The following TMEM132E variants were observed in gnomAD, a reference collection of about 807,000 sequenced individuals.
The protein encoded by TMEM132E is transmembrane protein 132E.
In TMEM132E, 49 loss-of-function variants were observed where a neutral mutation model predicts 78.5. The ratio of observed to expected loss-of-function variants is 0.62; its 90% CI spans 0.50 to 0.79. TMEM132E has a LOEUF of 0.79. Among genes scored for constraint, TMEM132E ranks in the 30% least tolerant of loss-of-function variants. The probability of loss-of-function intolerance (pLI) is 0.00; values close to 1 mark genes in which losing one functional copy is unlikely to be tolerated. For synonymous variants in TMEM132E, 715 were observed against 670.6 expected (o/e 1.07, Z -1.02); for missense variants, 1,403 against 1,470.9 (o/e 0.95, Z 0.75).
chr17:34,586,281 T>TTC (rs1905674929), intron 1 of TMEM132E, among the ~76,000 whole-genome samples: 1 of 150,506 alleles, frequency 6.6e-6, no homozygotes, highest in African/African-American at 2.4e-5. Context: ...AATGAACCAG[T>TTC]TGTGTGTGTG....
intron 1 of TMEM132E, among the ~76,000 whole-genome samples, chr17:34,588,184 C>G (rs1597674939): frequency 6.6e-6 from 1 of 152,336 alleles, no homozygotes; most frequent in East Asian, 1.9e-4. Context: ...AACACTCACA[C>G]TCTTCCACTC....
At chr17:34,584,235 T>C (rs1905590109) in intron 1 of TMEM132E, among the ~76,000 whole-genome samples, 1 of 152,194 alleles carries the variant, frequency 6.6e-6, no homozygotes, top group Non-Finnish European at 1.5e-5. Flanking sequence ...CTATGAGGTA[T>C]TGCTTTTCTC....
intron 1 of TMEM132E, 75 bp downstream of exon 1, chr17:34,581,218 G>A: frequency 2.2e-6 from 3 of 1,342,094 alleles, no homozygotes; most frequent in South Asian, 3.0e-5. Flanking sequence ...AGACTGGGGA[G>A]AGGAGCACCC....
intron 1 of TMEM132E, among the ~76,000 whole-genome samples, chr17:34,613,167 CTCTCTCT>C (rs1906648332): frequency 8.3e-6 from 1 of 120,332 alleles, no homozygotes; most frequent in Non-Finnish European, 1.8e-5. Context: ...CTCTCTCTCT[CTCTCTCT>C]ACACACACAC....
intron 1 of TMEM132E, among the ~76,000 whole-genome samples, chr17:34,587,980 C>T (rs1191473086): frequency 6.6e-6 from 1 of 152,200 alleles, no homozygotes; most frequent in Admixed American, 6.5e-5. Flanking sequence ...ACAGAATCAG[C>T]ACAGATGCAG....
Position 34,634,922 on chromosome 17 carries a change from A to G in TMEM132E, c.1812A>G (p.Thr604=), listed in dbSNP as rs1907466209. 1.2e-6 allele frequency: 2 copies of G among 1,614,158 alleles called. No homozygotes were observed. The highest frequency in any genetic ancestry group is 4.5e-5 in the East Asian group (2 of 44,870). ...AGGTCTTCACCCAGTTCCACACGACATCATCCGAGGGCACTGACCAGGTGG... is the reference window on the plus strand; with the variant it reads ...AGGTCTTCACCCAGTTCCACACGACGTCATCCGAGGGCACTGACCAGGTGG... ...TLQVFTQFHT[T]SSEGTDQVVT... The change falls in exon 7 of 9, where the codon ACA becomes ACG. Residue 604 remains threonine, a synonymous_variant. Transcript: ENST00000631683.
intron 1 of TMEM132E, among the ~76,000 whole-genome samples, chr17:34,596,119 G>A (rs755441796): frequency 2.6e-5 from 4 of 152,018 alleles, no homozygotes; most frequent in Non-Finnish European, 4.4e-5. Flanking sequence ...TTCCAGCCCA[G>A]TGAAGGCCAT....
At chr17:34,582,096 C>T (rs1009747644) in intron 1 of TMEM132E, among the ~76,000 whole-genome samples, 1 of 151,774 alleles carries the variant, frequency 6.6e-6, no homozygotes, top group African/African-American at 2.4e-5. Flanking sequence ...TCTGCTCCCT[C>T]CTAACGTGAA....
intron 1 of TMEM132E, among the ~76,000 whole-genome samples, chr17:34,619,115 C>T (rs1294099582): frequency 6.6e-6 from 1 of 152,234 alleles, no homozygotes; most frequent in Non-Finnish European, 1.5e-5. Flanking sequence ...TATTTCTGGC[C>T]TCTTCATCAT....
At chr17:34,598,895 G>A (rs968708845) in intron 1 of TMEM132E, among the ~76,000 whole-genome samples, 1 of 152,110 alleles carries the variant, frequency 6.6e-6, no homozygotes, top group Non-Finnish European at 1.5e-5. Context: ...CGCCAGAAGA[G>A]ATGCTGAGCG....
At chr17:34,593,113 A>G (rs1306305946) in intron 1 of TMEM132E, among the ~76,000 whole-genome samples, 1 of 151,278 alleles carries the variant, frequency 6.6e-6, no homozygotes, top group African/African-American at 2.4e-5. Flanking sequence ...TGTCATTTCA[A>G]CATGTAATCA....
chr17:34,606,973 C>T (rs1456402560), intron 1 of TMEM132E, among the ~76,000 whole-genome samples: 1 of 152,216 alleles, frequency 6.6e-6, no homozygotes, highest in Non-Finnish European at 1.5e-5. Context: ...CCCAGAATCT[C>T]ACAGCTGGAA....
chr17:34,593,830 C>G (rs2142054283), intron 1 of TMEM132E, among the ~76,000 whole-genome samples: 1 of 152,370 alleles, frequency 6.6e-6, no homozygotes, highest in East Asian at 1.9e-4. Flanking sequence ...CTCACAGTAG[C>G]TCATACCACC....
Position 34,638,747 on chromosome 17 carries a change from G to A in TMEM132E, c.*515G>A, listed in dbSNP as rs1407828748. 6.5e-6 allele frequency: 1 copy of A among 153,020 alleles called. No homozygotes were observed. The allele number at this position is 153,020 out of a possible 1,614,324, so 9.5% of individuals were successfully genotyped here. The stretch of plus-strand genomic sequence containing the variant: ...GGTGGCAGCTGCCTGCCCTGCCAAG[G>A]ATCTTGCTGTGGACGAAATATCTGG... On this transcript the variant is annotated 3_prime_UTR_variant, in exon 9 of 9. Transcript: ENST00000631683.
In TMEM132E at chr17:34,634,983, A is replaced by T. The variant is rs914467657; in HGVS notation, c.1873A>T (p.Thr625Ser). The T allele has an allele frequency of 8.1e-6, 13 of 1,613,908 alleles. No individual in the cohort carries two copies. The highest frequency in any genetic ancestry group is 9.3e-6 in the Non-Finnish European group (11 of 1,180,034). Reference sequence around the variant, plus strand: ...AGGCCCGGACTGGCTGGTGGAGGTCACCGACCTAGTCAGTGACTTCATGCG... The same window carrying T: ...AGGCCCGGACTGGCTGGTGGAGGTCTCCGACCTAGTCAGTGACTTCATGCG... ...MLGPDWLVEV[T>S]DLVSDFMRVG... The change falls in exon 7 of 9, where the codon ACC becomes TCC. Residue 625 changes from threonine (T) to serine (S), a missense_variant. Around this residue, in one of 3 missense-constraint regions of TMEM132E, gnomAD observed 888 missense variants for 952.8 expected, o/e 0.93. Transcript: ENST00000631683.
chr17:34,581,603 G>A (rs755545466), intron 1 of TMEM132E, among the ~76,000 whole-genome samples: 14 of 150,966 alleles, frequency 9.3e-5, no homozygotes, highest in Non-Finnish European at 1.3e-4. Flanking sequence ...CCGTCGCCTC[G>A]CTTCCTGCGG....
chr17:34,627,037 C>T lies in TMEM132E; in HGVS notation c.978C>T (p.Ser326=), dbSNP rs763462557. 1.3e-6 allele frequency: 2 copies of T among 1,595,128 alleles called. No homozygotes were observed. The highest frequency in any genetic ancestry group is 1.7e-6 in the Non-Finnish European group (2 of 1,168,800). The part of the protein sequence containing the change: ...APNSSSPSSP[S]VEHFTLRVKA... ...ACTCCTCCTCGCCCTCCAGCCCCAGCGTGGAGCACTTCACACTCAGGTAGT... is the reference window on the plus strand; with the variant it reads ...ACTCCTCCTCGCCCTCCAGCCCCAGTGTGGAGCACTTCACACTCAGGTAGT... Residue 326 remains serine, a synonymous_variant, in exon 2 of 9, where the codon AGC becomes AGT. Transcript: ENST00000631683.
At position 34,629,028 on chromosome 17, in the gene TMEM132E, T is replaced by C. The variant is rs1907254288; in HGVS notation, c.1162T>C (p.Leu388=). ...PLPPREGQGP[L]EILQLDFEME... ...CCCTGGCAGGGAGGGCCAGGGCCCC[T>C]TGGAGATCTTGCAGCTGGACTTTGA... is the stretch of plus-strand genomic sequence containing the variant. The change falls in exon 4 of 9, where the codon TTG becomes CTG. Residue 388 remains leucine, a synonymous_variant. Transcript: ENST00000631683. 7 of 1,573,138 alleles carry C rather than the reference T, an allele frequency of 4.4e-6. No homozygotes were observed. The South Asian group carries it at 4.8e-5, about 11-fold the overall frequency.
intron 4 of TMEM132E, among the ~76,000 whole-genome samples, chr17:34,629,738 G>T (rs946973928): frequency 1.3e-5 from 2 of 152,166 alleles, no homozygotes; most frequent in African/African-American, 4.8e-5. Context: ...TGTTTAAGAG[G>T]AGATGGCAGG....
Sources: gnomAD v4.1 joint callset for allele counts (sites outside exome capture counted in the v4.1 genomes callset) on GRCh38, gnomAD v4.1.1 for gene constraint, gnomAD v4.1.1 regional missense constraint, MANE v1.5 for transcripts, NCBI Gene and HGNC (gene_info 2026-07-23, HGNC 2026-07-21) for gene names.